CLCA1: variants seen among roughly 807,000 people sequenced by gnomAD.
CLCA1 encodes chloride channel accessory 1.
In CLCA1, 59 loss-of-function variants were observed where a neutral mutation model predicts 85.6. The ratio of observed to expected loss-of-function variants is 0.69; its 90% CI spans 0.56 to 0.86. CLCA1 has a LOEUF of 0.86. Ranked by LOEUF, CLCA1 falls within the 40% of genes least tolerant of loss-of-function variation. The probability of loss-of-function intolerance (pLI) is 0.00; values close to 1 mark genes in which losing one functional copy is unlikely to be tolerated. For synonymous variants in CLCA1, 396 were observed against 398.3 expected, an observed-to-expected ratio of 0.99 and a Z score of 0.07; for missense variants, 1,022 against 1,101.4, an observed-to-expected ratio of 0.93 and a Z score of 1.02.
chr1:86,498,883 A>G (rs1648378479), intron 13 of CLCA1, 72 bp downstream of exon 13: 1 of 1,538,814 alleles, frequency 6.5e-7, no homozygotes, highest in Admixed American at 1.9e-5. Flanking sequence ...CGGGTGAGGC[A>G]GGCAGCCGTG....
intron 8 of CLCA1, among the ~76,000 whole-genome samples, chr1:86,490,968 T>G (rs1648120553): frequency 6.6e-6 from 1 of 151,306 alleles, no homozygotes; most frequent in Admixed American, 6.6e-5. Flanking sequence ...CCCAGCTACT[T>G]GGGAGCTGAG....
At chr1:86,487,697 C>T (rs1233454574) in intron 7 of CLCA1, among the ~76,000 whole-genome samples, 1 of 152,140 alleles carries the variant, frequency 6.6e-6, no homozygotes, top group African/African-American at 2.4e-5. Context: ...CAGCCCCACC[C>T]TGGCTCTCCC....
intron 3 of CLCA1, 67 bp from the exon 4 acceptor site, chr1:86,476,381 C>T (rs1647634961): frequency 2.6e-6 from 2 of 765,844 alleles, no homozygotes; most frequent in African/African-American, 1.7e-5. Flanking sequence ...ACATTGCTTT[C>T]TTCCAGTGTG....
chr1:86,494,798 A>AGT (rs1037499473), intron 11 of CLCA1, among the ~76,000 whole-genome samples: 2 of 152,136 alleles, frequency 1.3e-5, no homozygotes, highest in East Asian at 1.9e-4. Context: ...CACACATATG[A>AGT]GTGTGTGTGT....
chr1:86,473,131 G>T (rs531911518), intron 1 of CLCA1, among the ~76,000 whole-genome samples: 97 of 152,254 alleles, frequency 6.4e-4, no homozygotes, highest in African/African-American at 2.3e-3. Context: ...TGGGAAAACT[G>T]AGGCTCAGAA....
In CLCA1 at chr1:86,500,231, G is replaced by T; in HGVS notation, c.*186G>T. 1.2e-5 allele frequency: 6 copies of T among 497,392 alleles called. No individual in the cohort carries two copies. Among genetic ancestry groups the T allele is most frequent in the Non-Finnish European group, 3.5e-6 (1 of 282,094 alleles). 30.8% of individuals were successfully genotyped at this position (497,392 alleles called of 1,614,324 possible). The stretch of plus-strand genomic sequence containing the variant: ...GTATTTTAGACTTCCTGTAGGGGGC[G>T]ATAAAATAAAATGCTAAACAACTGG... On this transcript the variant is annotated 3_prime_UTR_variant, in exon 14 of 14. Transcript: ENST00000394711.
At position 86,498,763 on chromosome 1, in the gene CLCA1, A is replaced by AT; in HGVS notation, c.2307dup (p.Asn770Ter). 6.2e-7 allele frequency: 1 copy of AT among 1,614,132 alleles called. No individual in the cohort carries two copies. The highest frequency in any genetic ancestry group is 8.5e-7 in the Non-Finnish European group (1 of 1,180,018). On this transcript the variant is annotated frameshift_variant, in exon 13 of 14. Coordinates refer to ENST00000394711, the MANE Select transcript of CLCA1 (RefSeq NM_001285.4). LOFTEE classifies it low-confidence loss of function (END_TRUNC). ...GGCGGAAATTCACGGGGGCAGTCTC[A>AT]TTAATCTGACTTGGACAGCTCCTGG...
intron 3 of CLCA1, among the ~76,000 whole-genome samples, chr1:86,475,011 G>C (rs750179600): frequency 9.9e-5 from 15 of 151,904 alleles, no homozygotes; most frequent in Non-Finnish European, 1.9e-4. Context: ...TTAAAGACCT[G>C]GTCAAAAGGA....
Position 86,485,360 on chromosome 1 carries a change from A to G in CLCA1, c.753A>G (p.Thr251=), listed in dbSNP as rs763019861. 26 of 1,613,534 alleles carry G rather than the reference A, an allele frequency of 1.6e-5. No individual in the cohort carries two copies. In the East Asian group the frequency reaches 2.5e-4, roughly 15 times the overall value. The change falls in exon 6 of 14, where the codon ACA becomes ACG. Residue 251 remains threonine, a synonymous_variant. Coordinates refer to ENST00000394711, the MANE Select transcript of CLCA1 (RefSeq NM_001285.4). ...AATTTCAGATAGTTGAATTCTGTAC[A>G]GAACAAAACCACAACAAAGAAGCTC... ...QHVDSIVEFC[T]EQNHNKEAPN...
intron 1 of CLCA1, among the ~76,000 whole-genome samples, chr1:86,469,567 A>T (rs1473690594): frequency 6.6e-6 from 1 of 152,212 alleles, no homozygotes; most frequent in African/African-American, 2.4e-5. Flanking sequence ...AAGGAGCCCC[A>T]GATGCAAATC....
rs558256489 is a variant in CLCA1, at chr1:86,470,601, G to C, written c.162+1468G>C. ...CTTGGAGGTTTTCCTCCCGAGATACGTACTTCTCGCTACAATTATTAAATT... is the reference window on the plus strand; with the variant it reads ...CTTGGAGGTTTTCCTCCCGAGATACCTACTTCTCGCTACAATTATTAAATT... On this transcript the variant is annotated intron_variant, in intron 1 of 13. Coordinates refer to ENST00000394711, the MANE Select transcript of CLCA1 (RefSeq NM_001285.4). 1.8e-4 allele frequency among the ~76,000 whole-genome samples: 28 copies of C among 152,318 alleles called. No individual in the cohort carries two copies. In the South Asian group the frequency reaches 5.8e-3, roughly 32 times the overall value.
intron 13 of CLCA1, among the ~76,000 whole-genome samples, chr1:86,499,162 G>T (rs1558149138): frequency 6.6e-6 from 1 of 152,172 alleles, no homozygotes; most frequent in African/African-American, 2.4e-5. Flanking sequence ...TCTTTTGGAA[G>T]GAACCTCAGG....
chr1:86,469,001 C>G lies in CLCA1; in HGVS notation c.30C>G (p.Ile10Met). ...GGCCATTTAAGAGTTCTGTGTTCAT[C>G]TTGATTCTTCACCTTCTAGAAGGGG... is the stretch of plus-strand genomic sequence containing the variant. MGPFKSSVFILILHLLEGAL... is the reference protein window; with the variant it reads MGPFKSSVFMLILHLLEGAL... Residue 10 changes from isoleucine to methionine, a missense_variant, in exon 1 of 14, where the codon ATC becomes ATG. By Grantham distance (10) the Ile-to-Met change is conservative. Transcript: ENST00000394711. 3.1e-6 allele frequency: 5 copies of G among 1,612,490 alleles called. No homozygotes were observed. The highest frequency in any genetic ancestry group is 4.2e-6 in the Non-Finnish European group (5 of 1,179,112).
chr1:86,498,122 G>A (rs1287865327), intron 12 of CLCA1, among the ~76,000 whole-genome samples: 1 of 147,260 alleles, frequency 6.8e-6, no homozygotes, highest in African/African-American at 2.5e-5. Flanking sequence ...TGGATGACAA[G>A]AGCGAAACTC....
rs201335237 is a variant in CLCA1 at position 86,478,427 on chromosome 1, C to A, written c.557+1874C>A. 1.4e-4 allele frequency among the ~76,000 whole-genome samples: 21 copies of A among 151,882 alleles called. No individual in the cohort carries two copies. In the East Asian group the frequency reaches 3.7e-3, roughly 27 times the overall value. On this transcript the variant is annotated intron_variant, in intron 4 of 13. Coordinates refer to ENST00000394711, the MANE Select transcript of CLCA1 (RefSeq NM_001285.4). ...AGGCAACAGAGCAAGACTCCATCCC[C>A]CCGAAAAAAAAAAGAGAGAGAGAGA...
At chr1:86,487,531 T>A (rs2753333) in intron 7 of CLCA1, among the ~76,000 whole-genome samples, 115 of 152,288 alleles carry the variant, frequency 7.6e-4, no homozygotes, top group Middle Eastern at 3.4e-3. Context: ...GCAAAGGACC[T>A]TGGATCTTAT....
chr1:86,484,013 C>G (rs144907628), intron 5 of CLCA1, among the ~76,000 whole-genome samples: 1 of 152,198 alleles, frequency 6.6e-6, no homozygotes, highest in Non-Finnish European at 1.5e-5. Flanking sequence ...GGGAAATTGC[C>G]GCTTACAAAA....
At chr1:86,482,112 T>C in intron 4 of CLCA1, 93 bp from the exon 5 acceptor site, 1 of 900,956 alleles carries the variant, frequency 1.1e-6, no homozygotes, top group Non-Finnish European at 1.7e-6. Context: ...GAGAGGAAAA[T>C]CACAGAAAGG....
At position 86,486,172 on chromosome 1, in the gene CLCA1, C is replaced by G. The variant is rs183736910; in HGVS notation, c.955-354C>G. 9.8e-5 allele frequency among the ~76,000 whole-genome samples: 15 copies of G among 152,288 alleles called. No individual in the cohort carries two copies. The East Asian group carries it at 2.7e-3, about 27-fold the overall frequency. On this transcript the variant is annotated intron_variant, in intron 6 of 13. Transcript: ENST00000394711. ...CCTCCCACCTCCCACCAGGTCCCTC[C>G]CTCGACATGTGGGGATTATGGGGAT...
Sources: gnomAD v4.1 joint callset for allele counts (sites outside exome capture counted in the v4.1 genomes callset) on GRCh38, gnomAD v4.1.1 for gene constraint, MANE v1.5 for transcripts, NCBI Gene and HGNC (gene_info 2026-07-23, HGNC 2026-07-21) for gene names.